Variants in UBR3 observed in about 807,000 individuals in gnomAD.
UBR3 encodes the protein E3 ubiquitin-protein ligase UBR3.
A neutral mutation model predicts 243.2 loss-of-function variants in UBR3; 85 were observed. The ratio of observed to expected loss-of-function variants is 0.35; its 90% CI spans 0.29 to 0.42. UBR3 has a LOEUF of 0.42. UBR3 is among the 10% of genes least tolerant of loss of function. The probability of loss-of-function intolerance (pLI) is 1.00; values close to 1 mark genes in which losing one functional copy is unlikely to be tolerated. For synonymous variants in UBR3, 748 were observed against 799.8 expected, an observed-to-expected ratio of 0.94 and a Z score of 1.09; for missense variants, 1,686 against 2,300.8, an observed-to-expected ratio of 0.73 and a Z score of 5.47.
At chr2:169,897,238 T>A (rs2084625911) in intron 8 of UBR3, among the ~76,000 whole-genome samples, 1 of 152,114 alleles carries the variant, frequency 6.6e-6, no homozygotes, top group Non-Finnish European at 1.5e-5. Context: ...GTCTTAGATA[T>A]TTTTACATGC....
intron 27 of UBR3, among the ~76,000 whole-genome samples, chr2:170,001,662 G>A (rs891791462): frequency 2.0e-5 from 3 of 151,996 alleles, no homozygotes; most frequent in Non-Finnish European, 2.9e-5. Flanking sequence ...GTGGGAGGCC[G>A]AGATGGGCAG....
chr2:170,066,707 C>CTG (rs1233006561), intron 35 of UBR3, among the ~76,000 whole-genome samples: 1 of 152,134 alleles, frequency 6.6e-6, no homozygotes, highest in Non-Finnish European at 1.5e-5. Flanking sequence ...TGGCTCACGC[C>CTG]TGTAATCCCA....
Position 169,827,854 on chromosome 2 carries a change from C to A in UBR3, c.347C>A (p.Pro116His). The A allele has an allele frequency of 6.6e-7, 1 of 1,505,144 alleles. No individual in the cohort carries two copies. 93.2% of individuals were successfully genotyped at this position (1,505,144 alleles called of 1,614,324 possible). ...EFCAAVRAYD[P>H]AALCGLVWTA... ...TGCGCGGCGGTGCGGGCCTACGATC[C>A]CGCGGCGCTCTGCGGCCTGGTCTGG... is the stretch of plus-strand genomic sequence containing the variant. Residue 116 changes from proline to histidine, a missense_variant, in exon 1 of 39, where the codon CCC becomes CAC. By Grantham distance (77) the Pro-to-His change is moderately conservative (BLOSUM62 -2). Around this residue, in one of 8 missense-constraint regions of UBR3, gnomAD observed 145 missense variants for 243.8 expected, o/e 0.59. Transcript: ENST00000272793.
intron 24 of UBR3, among the ~76,000 whole-genome samples, chr2:169,966,894 A>G (rs987890630): frequency 6.6e-6 from 1 of 152,012 alleles, no homozygotes; most frequent in Non-Finnish European, 1.5e-5. Flanking sequence ...TTTTTCTAAT[A>G]TTAATGATAA....
intron 1 of UBR3, among the ~76,000 whole-genome samples, chr2:169,838,485 C>T (rs527482912): frequency 5.4e-5 from 8 of 147,748 alleles, no homozygotes; most frequent in South Asian, 2.1e-4. Context: ...ATGGCAGAAG[C>T]GGGGAAGAGG....
intron 5 of UBR3, among the ~76,000 whole-genome samples, chr2:169,884,941 G>A (rs1167011408): frequency 6.6e-6 from 1 of 152,160 alleles, no homozygotes; most frequent in Non-Finnish European, 1.5e-5. Flanking sequence ...GATGGAAAGA[G>A]GTTGATAGAG....
intron 31 of UBR3, among the ~76,000 whole-genome samples, chr2:170,030,648 A>G (rs1285555845): frequency 1.3e-5 from 2 of 152,118 alleles, no homozygotes; most frequent in Non-Finnish European, 2.9e-5. Context: ...TGTCATTAGA[A>G]TATGTACTTC....
chr2:169,927,254 G>A, intron 16 of UBR3, 66 bp from the exon 17 acceptor site: 1 of 1,373,226 alleles, frequency 7.3e-7, no homozygotes. Flanking sequence ...TAAAAAGTGT[G>A]GTAAGTTTTT....
intron 23 of UBR3, among the ~76,000 whole-genome samples, chr2:169,953,955 C>G (rs931570626): frequency 6.6e-6 from 1 of 152,150 alleles, no homozygotes; most frequent in Non-Finnish European, 1.5e-5. Context: ...GCACATTTTT[C>G]TTTGCTTCCA....
intron 19 of UBR3, among the ~76,000 whole-genome samples, chr2:169,936,149 T>C (rs1043632192): frequency 1.3e-5 from 2 of 152,154 alleles, no homozygotes; most frequent in Non-Finnish European, 2.9e-5. Context: ...AACCTCTGCC[T>C]CCCGGATTCA....
intron 24 of UBR3, among the ~76,000 whole-genome samples, chr2:169,973,452 C>T (rs59044501): frequency 0.099 from 15,018 of 151,204 alleles, 898 homozygotes; most frequent in African/African-American, 0.17. Flanking sequence ...GAGCCCGCAT[C>T]GCCAAGTCAA....
At chr2:169,848,667 A>G (rs1166569087) in intron 1 of UBR3, among the ~76,000 whole-genome samples, 2 of 151,688 alleles carry the variant, frequency 1.3e-5, no homozygotes, top group African/African-American at 4.8e-5. Flanking sequence ...TGAGTAATAT[A>G]TATGAGTAGA....
At chr2:169,915,614 G>A (rs1247864797) in intron 11 of UBR3, among the ~76,000 whole-genome samples, 2 of 152,146 alleles carry the variant, frequency 1.3e-5, no homozygotes, top group Non-Finnish European at 2.9e-5. Context: ...TCTTTTTCAG[G>A]AATATTATGG....
chr2:169,978,942 C>A (rs2088593106), intron 24 of UBR3, among the ~76,000 whole-genome samples: 1 of 152,032 alleles, frequency 6.6e-6, no homozygotes, highest in Non-Finnish European at 1.5e-5. Flanking sequence ...CATCAGTTCC[C>A]CAGGAGGTAT....
intron 35 of UBR3, among the ~76,000 whole-genome samples, chr2:170,071,279 T>TA (rs1286800552): frequency 6.6e-6 from 1 of 152,210 alleles, no homozygotes; most frequent in African/African-American, 2.4e-5. Context: ...TGAATGTTCA[T>TA]AATAGCCAAA....
In UBR3 at chr2:169,831,401, C is replaced by T. The variant is rs193044261; in HGVS notation, c.545+3349C>T. 8.4e-3 allele frequency among the ~76,000 whole-genome samples: 1,265 copies of T among 151,474 alleles called. 23 individuals are homozygous for T. The highest frequency in any genetic ancestry group is 0.029 in the African/African-American group (1,180 of 41,236). On this transcript the variant is annotated intron_variant, in intron 1 of 38. Transcript: ENST00000272793. ...CTGACCTTAGGTGATCCACCCGCCT[C>T]GGCCTCCCAAAGTGCTGGGATTACA...
intron 1 of UBR3, among the ~76,000 whole-genome samples, chr2:169,865,244 CT>C (rs1282006873): frequency 6.6e-6 from 1 of 152,114 alleles, no homozygotes; most frequent in East Asian, 1.9e-4. Context: ...AATTCCTGGG[CT>C]CAGGCAATCT....
In UBR3 at chr2:169,994,349, G is replaced by A; in HGVS notation, c.3811G>A (p.Glu1271Lys). 1 of 1,614,032 alleles carries A rather than the reference G, an allele frequency of 6.2e-7. No homozygotes were observed. The highest frequency in any genetic ancestry group is 8.5e-7 in the Non-Finnish European group (1 of 1,179,992). The change falls in exon 26 of 39, where the codon GAG (glutamate) becomes AAG (lysine). Residue 1271 changes from glutamate to lysine, a missense_variant. Physicochemically the swap from Glu to Lys is moderately conservative, Grantham distance 56 (BLOSUM62 1). Transcript: ENST00000272793. Reference sequence around the variant, plus strand: ...TTTGGGGCAGTGCCGTGACAATGTTGAGCCAAAAAAGTTGCCGATCAGTGA... The same window carrying A: ...TTTGGGGCAGTGCCGTGACAATGTTAAGCCAAAAAAGTTGCCGATCAGTGA... ...SVLGQCRDNV[E>K]PKKLPISEEE... is the part of the protein sequence containing the mutation.
chr2:169,881,974 ATATTATATATG>A (rs1347566726), intron 5 of UBR3, among the ~76,000 whole-genome samples: 2 of 117,078 alleles, frequency 1.7e-5, no homozygotes, highest in African/African-American at 6.8e-5. Context: ...ATATGTAATT[ATATTATATATG>A]TATATGTATA....
Sources: allele counts gnomAD v4.1 joint callset (sites outside exome capture counted in the v4.1 genomes callset), GRCh38; gene constraint gnomAD v4.1.1; regional missense constraint gnomAD v4.1.1; transcripts MANE v1.5; gene names NCBI Gene and HGNC (gene_info 2026-07-23, HGNC 2026-07-21).